RBFOX1: variants seen among roughly 807,000 people sequenced by gnomAD.
The protein encoded by RBFOX1 is RNA binding fox-1 homolog 1.
A neutral mutation model predicts 57.7 loss-of-function variants in RBFOX1; 8 were observed. The ratio of observed to expected loss-of-function variants is 0.14; its 90% CI spans 0.08 to 0.25. RBFOX1 has a LOEUF of 0.25. Ranked by LOEUF, RBFOX1 falls within the 10% of genes least tolerant of loss-of-function variation. The pLI is 1.00. For missense variants in RBFOX1, 611 were observed against 548.5 expected, an observed-to-expected ratio of 1.11 and a Z score of -1.14; for synonymous variants, 326 against 222.4, an observed-to-expected ratio of 1.47 and a Z score of -4.15.
intron 2 of RBFOX1, among the ~76,000 whole-genome samples, chr16:6,635,941 T>C (rs2098427680): frequency 6.6e-6 from 1 of 152,192 alleles, no homozygotes; most frequent in Non-Finnish European, 1.5e-5. Context: ...ATGAGGTATC[T>C]TGGGGATGGG....
chr16:6,669,671 G>A (rs777532611), intron 3 of RBFOX1, among the ~76,000 whole-genome samples: 1 of 152,110 alleles, frequency 6.6e-6, no homozygotes, highest in African/African-American at 2.4e-5. Flanking sequence ...TGAGTGTGGT[G>A]AGAACACTTA....
intron 4 of RBFOX1, among the ~76,000 whole-genome samples, chr16:7,315,739 C>A (rs1278727233): frequency 6.6e-6 from 1 of 152,022 alleles, no homozygotes; most frequent in African/African-American, 2.4e-5. Context: ...AGGTGTCCAG[C>A]AAATGCACTT....
intron 4 of RBFOX1, among the ~76,000 whole-genome samples, chr16:7,441,512 G>C (rs1313780099): frequency 6.6e-6 from 1 of 152,070 alleles, no homozygotes; most frequent in African/African-American, 2.4e-5. Context: ...ACTGGTATCT[G>C]TTTCTCTCCT....
chr16:6,344,458 C>T (rs1174222473), intron 2 of RBFOX1, among the ~76,000 whole-genome samples: 7 of 122,388 alleles, frequency 5.7e-5, no homozygotes, highest in African/African-American at 1.7e-4. Flanking sequence ...AGTGCAGTGG[C>T]ACAATCTCAG....
chr16:6,974,578 C>G (rs576705735), intron 3 of RBFOX1, among the ~76,000 whole-genome samples: 3 of 152,134 alleles, frequency 2.0e-5, no homozygotes, highest in African/African-American at 7.2e-5. Context: ...CTCCTGACCT[C>G]AGGTGATCTG....
chr16:7,489,244 A>G (rs574086068), intron 4 of RBFOX1, among the ~76,000 whole-genome samples: 1 of 152,260 alleles, frequency 6.6e-6, no homozygotes, highest in East Asian at 1.9e-4. Flanking sequence ...TTTAAATTCA[A>G]GAGTATTAAT....
intron 3 of RBFOX1, among the ~76,000 whole-genome samples, chr16:6,894,010 A>C (rs766121178): frequency 6.6e-6 from 1 of 152,182 alleles, no homozygotes; most frequent in Non-Finnish European, 1.5e-5. Context: ...GATGTCTTCT[A>C]ATATCCCAAA....
chr16:6,077,606 C>G (rs2095924695), intron 1 of RBFOX1, among the ~76,000 whole-genome samples: 1 of 152,142 alleles, frequency 6.6e-6, no homozygotes, highest in Non-Finnish European at 1.5e-5. Flanking sequence ...TACTTTGCAA[C>G]TACATGGTCT....
intron 2 of RBFOX1, among the ~76,000 whole-genome samples, chr16:6,588,065 T>C (rs1825546592): frequency 6.7e-6 from 1 of 150,048 alleles, no homozygotes; most frequent in South Asian, 2.1e-4. Flanking sequence ...CCGCTGTCTC[T>C]ACTAAAAATA....
At chr16:6,334,118 T>C (rs1395880962) in intron 2 of RBFOX1, among the ~76,000 whole-genome samples, 3 of 152,170 alleles carry the variant, frequency 2.0e-5, no homozygotes, top group Non-Finnish European at 4.4e-5. Flanking sequence ...GAAATCTAAG[T>C]ATTACTTTAG....
At chr16:6,229,568 T>C (rs2097443078) in intron 1 of RBFOX1, among the ~76,000 whole-genome samples, 2 of 152,198 alleles carry the variant, frequency 1.3e-5, no homozygotes, top group African/African-American at 4.8e-5. Context: ...CTTTAGCTTT[T>C]TATGCATGTA....
chr16:7,698,951 T>C (rs1470508166), intron 14 of RBFOX1, among the ~76,000 whole-genome samples: 1 of 152,160 alleles, frequency 6.6e-6, no homozygotes, highest in Non-Finnish European at 1.5e-5. Flanking sequence ...AAGTGCTGTA[T>C]CCATGCATGC....
intron 3 of RBFOX1, among the ~76,000 whole-genome samples, chr16:7,037,798 T>C (rs2153701675): frequency 6.6e-6 from 1 of 152,258 alleles, no homozygotes. Context: ...TCGATTTTGT[T>C]CTCTGAACCA....
At chr16:7,626,906 T>C (rs2060157339) in intron 10 of RBFOX1, among the ~76,000 whole-genome samples, 1 of 152,146 alleles carries the variant, frequency 6.6e-6, no homozygotes, top group African/African-American at 2.4e-5. Flanking sequence ...AAAAGATGAG[T>C]ATGATTTGGC....
At chr16:7,611,312 G>A (rs990640346) in intron 10 of RBFOX1, among the ~76,000 whole-genome samples, 8 of 152,118 alleles carry the variant, frequency 5.3e-5, no homozygotes, top group South Asian at 2.1e-4. Flanking sequence ...TTGACCAGGC[G>A]TGGTGGCTCA....
chr16:5,774,315 C>T (rs1389034576), intron 3 of RBFOX1, among the ~76,000 whole-genome samples: 1 of 152,156 alleles, frequency 6.6e-6, no homozygotes, highest in Non-Finnish European at 1.5e-5. Context: ...ACACTGGCTT[C>T]CTTTGACATT....
At chr16:7,545,787 G>A (rs569455457) in intron 5 of RBFOX1, among the ~76,000 whole-genome samples, 31 of 152,142 alleles carry the variant, frequency 2.0e-4, no homozygotes, top group African/African-American at 6.7e-4. Context: ...GTGGTCTTGG[G>A]TCTCAGCTCT....
At chr16:6,952,954 C>G (rs973965529) in intron 3 of RBFOX1, among the ~76,000 whole-genome samples, 2 of 151,896 alleles carry the variant, frequency 1.3e-5, no homozygotes, top group Admixed American at 1.3e-4. Flanking sequence ...GCCTGGGGGA[C>G]AGAGCAAAAT....
intron 3 of RBFOX1, among the ~76,000 whole-genome samples, chr16:5,630,533 G>C (rs1052208574): frequency 6.6e-6 from 1 of 152,180 alleles, no homozygotes; most frequent in African/African-American, 2.4e-5. Context: ...GATTACAAAA[G>C]TTCTTCAATC....
Sources: allele counts gnomAD v4.1 joint callset (sites outside exome capture counted in the v4.1 genomes callset), GRCh38; gene constraint gnomAD v4.1.1; transcripts MANE v1.5; gene names NCBI Gene and HGNC (gene_info 2026-07-23, HGNC 2026-07-21).